Variants in TTC33 observed in about 807,000 individuals in gnomAD.
TTC33 encodes tetratricopeptide repeat domain 33.
In TTC33, 24 loss-of-function variants were observed where a neutral mutation model predicts 29.4. The ratio of observed to expected loss-of-function variants is 0.82; its 90% CI spans 0.59 to 1.15. TTC33 has a LOEUF of 1.15. Among genes scored for constraint, TTC33 ranks in the 50% most tolerant of loss-of-function variants. The pLI is 0.00. For missense variants in TTC33, 286 were observed against 310.4 expected, an observed-to-expected ratio of 0.92 and a Z score of 0.59; for synonymous variants, 107 against 100.3, an observed-to-expected ratio of 1.07 and a Z score of -0.40.
intron 1 of TTC33, among the ~76,000 whole-genome samples, chr5:40,749,797 T>C (rs886320043): frequency 6.6e-6 from 1 of 152,208 alleles, no homozygotes; most frequent in African/African-American, 2.4e-5. Context: ...TCTTTAAAAA[T>C]GTACATGCCT....
intron 2 of TTC33, among the ~76,000 whole-genome samples, chr5:40,744,813 G>A (rs1207857865): frequency 6.6e-6 from 1 of 152,084 alleles, no homozygotes; most frequent in East Asian, 1.9e-4. Flanking sequence ...TAAAAATATG[G>A]CTCTCAACAG....
At chr5:40,744,487 G>GTTTTT (rs375739587) in intron 2 of TTC33, among the ~76,000 whole-genome samples, 2 of 136,408 alleles carry the variant, frequency 1.5e-5, no homozygotes. Flanking sequence ...ACTCTTACCA[G>GTTTTT]TTTTTTTTTT....
chr5:40,730,835 TAAGGGAGAAAA>T (rs1181749237), intron 2 of TTC33, among the ~76,000 whole-genome samples: 2 of 152,004 alleles, frequency 1.3e-5, no homozygotes, highest in Non-Finnish European at 2.9e-5. Context: ...ATGTAACAGA[TAAGGGAGAAAA>T]AAGTACATGC....
intron 2 of TTC33, among the ~76,000 whole-genome samples, chr5:40,741,714 C>T (rs1742699321): frequency 6.6e-6 from 1 of 152,166 alleles, no homozygotes; most frequent in South Asian, 2.1e-4. Flanking sequence ...CTCAGCCACG[C>T]ACGGTAGCTC....
At chr5:40,727,932 T>A (rs1428879702) in intron 4 of TTC33, among the ~76,000 whole-genome samples, 2 of 152,184 alleles carry the variant, frequency 1.3e-5, no homozygotes, top group Non-Finnish European at 2.9e-5. Context: ...TTGCTAATTG[T>A]TTTTTGTATA....
At chr5:40,749,828 G>A (rs1579693620) in intron 1 of TTC33, among the ~76,000 whole-genome samples, 2 of 152,166 alleles carry the variant, frequency 1.3e-5, no homozygotes, top group South Asian at 2.1e-4. Context: ...AGTGGCTCAC[G>A]CCTGTAATCC....
chr5:40,738,555 AATAAAATAAAAT>A (rs1561151341), intron 2 of TTC33, among the ~76,000 whole-genome samples: 2 of 138,344 alleles, frequency 1.4e-5, no homozygotes, highest in African/African-American at 5.2e-5. Flanking sequence ...AATAAAATAA[AATAAAATAAAAT>A]ATAAAATAAA....
intron 1 of TTC33, among the ~76,000 whole-genome samples, chr5:40,754,698 A>ATACACGATATGTGCT (rs1742953705): frequency 6.6e-6 from 1 of 152,228 alleles, no homozygotes; most frequent in South Asian, 2.1e-4. Context: ...CAAGAGAGTA[A>ATACACGATATGTGCT]ACAAAGGATG....
intron 4 of TTC33, among the ~76,000 whole-genome samples, chr5:40,728,127 C>CA (rs1450239793): frequency 6.6e-6 from 1 of 151,586 alleles, no homozygotes; most frequent in Non-Finnish European, 1.5e-5. Context: ...ACTAAAAATA[C>CA]AAAAACATTA....
Position 40,712,821 on chromosome 5 carries a change from C to T in TTC33, c.*3324G>A, listed in dbSNP as rs149603794. Among the ~76,000 whole-genome samples the T allele has an allele frequency of 5.2e-3, 799 of 152,266 alleles. 12 individuals carry two copies. The highest frequency in any genetic ancestry group is 0.018 in the African/African-American group (760 of 41,556). Reference sequence around the variant, plus strand: ...ACTGTGAGAGGAAGCCATCCTTACCCGCCGCTGCCTTCTGACCAAAGTAGT... The same window carrying T: ...ACTGTGAGAGGAAGCCATCCTTACCTGCCGCTGCCTTCTGACCAAAGTAGT... On this transcript the variant is annotated 3_prime_UTR_variant, in exon 5 of 5. Coordinates refer to ENST00000337702, the MANE Select transcript of TTC33 (RefSeq NM_012382.3).
intron 2 of TTC33, among the ~76,000 whole-genome samples, chr5:40,732,166 T>C (rs1742445373): frequency 6.6e-6 from 1 of 152,126 alleles, no homozygotes; most frequent in Non-Finnish European, 1.5e-5. Context: ...TATGCCACTA[T>C]GGCCAGCTAA....
chr5:40,753,193 C>G (rs570061691), intron 1 of TTC33, among the ~76,000 whole-genome samples: 2 of 151,920 alleles, frequency 1.3e-5, no homozygotes, highest in East Asian at 3.9e-4. Context: ...GGTGAAACCC[C>G]GTCTCTACAA....
chr5:40,728,449 G>T lies in TTC33; in HGVS notation c.331C>A (p.Pro111Thr). The T allele has an allele frequency of 6.2e-7, 1 of 1,611,842 alleles. No individual in the cohort carries two copies. The highest frequency in any genetic ancestry group is 8.5e-7 in the Non-Finnish European group (1 of 1,179,342). ...GCCATTTCTGCTGCATGTACTGCTG[G>T]GAACATTTCATGAAGAGACATTAGC... ...QVLMSLHEMF[P>T]AVHAAEMAVQ... is the part of the protein sequence containing the mutation. The change falls in exon 4 of 5, where the codon CCA (proline) becomes ACA (threonine). Residue 111 changes from proline (P) to threonine (T), a missense_variant. Physicochemically the swap from Pro to Thr is conservative, Grantham distance 38. Coordinates refer to ENST00000337702, the MANE Select transcript of TTC33 (RefSeq NM_012382.3).
Position 40,747,002 on chromosome 5 carries a change from C to T in TTC33, c.17G>A (p.Trp6Ter), listed in dbSNP as rs1742801708. The change falls in exon 2 of 5, where the codon TGG (tryptophan) becomes TAG (stop). Residue 6 changes from tryptophan to a stop codon, truncating the protein, a stop_gained. Coordinates refer to ENST00000337702, the MANE Select transcript of TTC33 (RefSeq NM_012382.3). LOFTEE classifies it high-confidence loss of function. Reference sequence around the variant, plus strand: ...GACCTTCTCACCAATTTTCCTCTTCCACCCAAAGGAAGCCATTCTGGAAAA... The same window carrying T: ...GACCTTCTCACCAATTTTCCTCTTCTACCCAAAGGAAGCCATTCTGGAAAA... MASFG[W>*]KRKIGEKVSK... 6.2e-7 allele frequency: 1 copy of T among 1,611,168 alleles called. No homozygotes were observed. Among genetic ancestry groups the T allele is most frequent in the Non-Finnish European group, 8.5e-7 (1 of 1,179,244 alleles).
At chr5:40,738,435 TATAAAATAAAATACAATACA>T (rs1416749329) in intron 2 of TTC33, among the ~76,000 whole-genome samples, 3 of 83,770 alleles carry the variant, frequency 3.6e-5, no homozygotes, top group African/African-American at 1.3e-4. Flanking sequence ...TAAAATAAAA[TATAAAATAAAATACAATACA>T]ATACAATACA....
chr5:40,730,495 A>G (rs1250964862), intron 2 of TTC33, 152 bp from the exon 3 acceptor site: 1 of 563,012 alleles, frequency 1.8e-6, no homozygotes, highest in Admixed American at 3.0e-5. Context: ...AAGTACATAT[A>G]GTTCATTCAC....
intron 4 of TTC33, among the ~76,000 whole-genome samples, chr5:40,722,556 C>T (rs1438692041): frequency 1.3e-5 from 2 of 151,512 alleles, no homozygotes; most frequent in Admixed American, 6.6e-5. Context: ...TGCCTGGCCG[C>T]GACCCCGTCT....
Position 40,746,953 on chromosome 5 carries a change from A to G in TTC33, c.66T>C (p.Phe22=). 3 of 1,614,222 alleles carry G rather than the reference A, an allele frequency of 1.9e-6. No individual in the cohort carries two copies. The highest frequency in any genetic ancestry group is 2.2e-5 in the South Asian group (2 of 91,090). The part of the protein sequence containing the change: ...EKVSKVTSQQ[F]EAEAADEKDV... Reference sequence around the variant, plus strand: ...CCTTCTCATCAGCAGCTTCAGCTTCAAACTGCTGGGAAGTGACCTTTGAGA... The same window carrying G: ...CCTTCTCATCAGCAGCTTCAGCTTCGAACTGCTGGGAAGTGACCTTTGAGA... Residue 22 remains phenylalanine, a synonymous_variant, in exon 2 of 5, where the codon TTT becomes TTC. Coordinates refer to ENST00000337702, the MANE Select transcript of TTC33 (RefSeq NM_012382.3).
chr5:40,735,657 C>G (rs1742533417), intron 2 of TTC33, among the ~76,000 whole-genome samples: 1 of 152,108 alleles, frequency 6.6e-6, no homozygotes. Flanking sequence ...GATTGTTGAT[C>G]TGGAGAGCAA....
Sources: gnomAD v4.1 joint callset for allele counts (sites outside exome capture counted in the v4.1 genomes callset) on GRCh38, gnomAD v4.1.1 for gene constraint, MANE v1.5 for transcripts, NCBI Gene and HGNC (gene_info 2026-07-23, HGNC 2026-07-21) for gene names.